The following PTPN4 variants were observed in gnomAD, a reference collection of about 807,000 sequenced individuals.
PTPN4 encodes protein tyrosine phosphatase non-receptor type 4.
A neutral mutation model predicts 135.5 loss-of-function variants in PTPN4; 49 were observed. The observed-to-expected ratio is 0.36, with a 90% confidence interval of 0.29 to 0.46. PTPN4 has a LOEUF of 0.46. Ranked by LOEUF, PTPN4 falls within the 20% of genes least tolerant of loss-of-function variation. PTPN4 has a pLI of 1.00. For missense variants in PTPN4, 860 were observed against 1,101.0 expected (o/e 0.78, Z 3.10); for synonymous variants, 333 against 369.9 (o/e 0.90, Z 1.14).
intron 10 of PTPN4, among the ~76,000 whole-genome samples, chr2:119,904,297 ATAGAC>A (rs1301825240): frequency 2.0e-5 from 3 of 152,152 alleles, no homozygotes; most frequent in Non-Finnish European, 2.9e-5. Flanking sequence ...AGCATCAACA[ATAGAC>A]TAGATTAAGC....
At chr2:119,885,932 C>T (rs371599364) in intron 9 of PTPN4, 50 bp downstream of exon 9, 9 of 1,259,468 alleles carry the variant, frequency 7.1e-6, no homozygotes, top group Non-Finnish European at 9.9e-6. Flanking sequence ...CTCCGTTACT[C>T]AATATAACAT....
intron 13 of PTPN4, among the ~76,000 whole-genome samples, chr2:119,928,714 T>C (rs1397057559): frequency 6.6e-6 from 1 of 152,148 alleles, no homozygotes; most frequent in East Asian, 1.9e-4. Context: ...TGATTCTTAG[T>C]GTTGTAACAG....
chr2:119,961,773 A>G (rs1405362459), intron 23 of PTPN4, among the ~76,000 whole-genome samples: 1 of 152,214 alleles, frequency 6.6e-6, no homozygotes, highest in African/African-American at 2.4e-5. Context: ...AGCATAGTGA[A>G]AGAGGTCAAA....
chr2:119,940,204 C>T (rs1261916205), intron 15 of PTPN4, among the ~76,000 whole-genome samples: 2 of 152,176 alleles, frequency 1.3e-5, no homozygotes, highest in Non-Finnish European at 2.9e-5. Context: ...ATAGTTTACA[C>T]GAGCTTTTTA....
intron 2 of PTPN4, among the ~76,000 whole-genome samples, chr2:119,853,019 A>G (rs1324482310): frequency 1.3e-5 from 2 of 152,186 alleles, no homozygotes; most frequent in African/African-American, 4.8e-5. Flanking sequence ...TGAATTTAGT[A>G]AGGTTTGTTT....
At chr2:119,806,237 T>C (rs1313169516) in intron 1 of PTPN4, among the ~76,000 whole-genome samples, 1 of 152,088 alleles carries the variant, frequency 6.6e-6, no homozygotes, top group Non-Finnish European at 1.5e-5. Context: ...AATATTAACC[T>C]TAAATGTAAA....
chr2:119,955,894 G>A (rs954232543), intron 20 of PTPN4, among the ~76,000 whole-genome samples: 21 of 151,638 alleles, frequency 1.4e-4, no homozygotes, highest in African/African-American at 4.4e-4. Context: ...CTGAGATCGC[G>A]CCACTGCACT....
At chr2:119,898,549 A>G (rs1020570004) in intron 9 of PTPN4, among the ~76,000 whole-genome samples, 1 of 152,194 alleles carries the variant, frequency 6.6e-6, no homozygotes, top group Non-Finnish European at 1.5e-5. Context: ...CCTACGAGGT[A>G]CTTTTTTCTA....
At chr2:119,940,217 G>A (rs144480175) in intron 15 of PTPN4, among the ~76,000 whole-genome samples, 27 of 152,290 alleles carry the variant, frequency 1.8e-4, no homozygotes, top group African/African-American at 5.8e-4. Context: ...GCTTTTTAAA[G>A]TGCCTTGTGC....
intron 16 of PTPN4, among the ~76,000 whole-genome samples, 184 bp downstream of exon 16, chr2:119,945,424 G>A (rs184341309): frequency 6.6e-6 from 1 of 152,100 alleles, no homozygotes; most frequent in East Asian, 1.9e-4. Context: ...AATTAGAAGT[G>A]ATCATGGAGT....
chr2:119,905,372 A>T (rs1339617409), intron 10 of PTPN4, among the ~76,000 whole-genome samples: 1 of 152,256 alleles, frequency 6.6e-6, no homozygotes, highest in Non-Finnish European at 1.5e-5. Flanking sequence ...GTAAAAAACC[A>T]TAAAAAGAGA....
intron 12 of PTPN4, among the ~76,000 whole-genome samples, chr2:119,920,649 G>A (rs1159362097): frequency 6.6e-6 from 1 of 151,902 alleles, no homozygotes; most frequent in Non-Finnish European, 1.5e-5. Flanking sequence ...CATATTTTTG[G>A]GTTGTCAAAC....
chr2:119,891,434 T>C (rs1444982272), intron 9 of PTPN4, among the ~76,000 whole-genome samples: 1 of 152,172 alleles, frequency 6.6e-6, no homozygotes, highest in Non-Finnish European at 1.5e-5. Context: ...GTGATTCTCG[T>C]GCCTCAGCCT....
chr2:119,947,519 T>C (rs541239909), intron 18 of PTPN4, among the ~76,000 whole-genome samples: 10 of 152,158 alleles, frequency 6.6e-5, no homozygotes, highest in African/African-American at 2.4e-4. Flanking sequence ...CAGATAGCTA[T>C]TGAGGTGTCA....
At chr2:119,972,305 T>A (rs534453309) in intron 26 of PTPN4, among the ~76,000 whole-genome samples, 2 of 152,328 alleles carry the variant, frequency 1.3e-5, no homozygotes, top group Non-Finnish European at 2.9e-5. Flanking sequence ...TTCTGTTTAT[T>A]TAGGTATTCT....
At chr2:119,973,748 A>G (rs545256090) in intron 26 of PTPN4, among the ~76,000 whole-genome samples, 6 of 136,270 alleles carry the variant, frequency 4.4e-5, no homozygotes, top group South Asian at 4.5e-4. Context: ...AATTTTGCCA[A>G]TTTACATCCT....
In PTPN4 at chr2:119,793,133, G is replaced by A. The variant is rs574639976; in HGVS notation, c.-17-16704G>A. ...TCCTAATCCTAGCAAGCCTGGGGAC[G>A]CTGCAGGAGACCAGGGCGTGTTTCA... On this transcript the variant is annotated intron_variant, in intron 1 of 26. Transcript: ENST00000263708. Among the ~76,000 whole-genome samples the A allele has an allele frequency of 1.2e-4, 18 of 152,276 alleles. No individual in the cohort carries two copies. The East Asian group carries it at 2.5e-3, about 21-fold the overall frequency.
At chr2:119,781,522 C>T (rs1389350958) in intron 1 of PTPN4, among the ~76,000 whole-genome samples, 1 of 152,146 alleles carries the variant, frequency 6.6e-6, no homozygotes, top group African/African-American at 2.4e-5. Context: ...CAACAACAAA[C>T]TTTATAAAGT....
Position 119,845,207 on chromosome 2 carries a change from G to C in PTPN4, c.139-17329G>C, listed in dbSNP as rs891039038. Reference sequence around the variant, plus strand: ...GATGGCAGCAGTACAGTCCAGCTTCGGCTCCGCATGAGAGGGAGACCGTGG... The same window carrying C: ...GATGGCAGCAGTACAGTCCAGCTTCCGCTCCGCATGAGAGGGAGACCGTGG... On this transcript the variant is annotated intron_variant, in intron 2 of 26. Coordinates refer to ENST00000263708, the MANE Select transcript of PTPN4 (RefSeq NM_002830.4). Among the ~76,000 whole-genome samples, 39 of 138,800 alleles carry C rather than the reference G, an allele frequency of 2.8e-4. 2 individuals carry two copies. The highest frequency in any genetic ancestry group is 5.9e-4 in the African/African-American group (22 of 37,104). 91.1% of individuals were successfully genotyped at this position (138,800 alleles called of 152,430 possible).
Sources: allele counts gnomAD v4.1 joint callset (sites outside exome capture counted in the v4.1 genomes callset), GRCh38; gene constraint gnomAD v4.1.1; transcripts MANE v1.5; gene names NCBI Gene and HGNC (gene_info 2026-07-23, HGNC 2026-07-21).